The following CNTNAP2 variants were observed in gnomAD, a reference collection of about 807,000 sequenced individuals.
The protein encoded by CNTNAP2 is contactin associated protein 2, also known as contactin-associated protein-like 2.
A neutral mutation model predicts 155.2 loss-of-function variants in CNTNAP2; 98 were observed. The ratio of observed to expected loss-of-function variants is 0.63; its 90% CI spans 0.54 to 0.75. The LOEUF is 0.75. Among genes scored for constraint, CNTNAP2 ranks in the 30% least tolerant of loss-of-function variants. CNTNAP2 has a pLI of 0.00. For synonymous variants in CNTNAP2, 651 were observed against 631.2 expected (o/e 1.03, Z -0.47); for missense variants, 1,727 against 1,688.1 (o/e 1.02, Z -0.40).
At chr7:148,385,736 G>GTTT (rs398006728) in intron 22 of CNTNAP2, among the ~76,000 whole-genome samples, 6 of 95,344 alleles carry the variant, frequency 6.3e-5, no homozygotes, top group African/African-American at 1.6e-4. Context: ...AGTGTGACAG[G>GTTT]TTTTTTTTTT....
chr7:146,758,447 G>A (rs533640548), intron 1 of CNTNAP2, among the ~76,000 whole-genome samples: 6 of 152,042 alleles, frequency 3.9e-5, no homozygotes, highest in Admixed American at 1.3e-4. Context: ...TCTGTTTGCC[G>A]CTGTATTGGT....
chr7:147,329,415 A>G (rs1285462943), intron 9 of CNTNAP2, among the ~76,000 whole-genome samples: 1 of 152,110 alleles, frequency 6.6e-6, no homozygotes, highest in Non-Finnish European at 1.5e-5. Flanking sequence ...ATAATTTATA[A>G]GAATGATAAA....
intron 1 of CNTNAP2, among the ~76,000 whole-genome samples, chr7:146,633,919 G>A (rs978345993): frequency 6.7e-6 from 1 of 149,190 alleles, no homozygotes; most frequent in Non-Finnish European, 1.5e-5. Flanking sequence ...AAAAAGAGAC[G>A]ATAGACATTT....
At chr7:146,818,675 A>G (rs1803220489) in intron 2 of CNTNAP2, among the ~76,000 whole-genome samples, 1 of 152,172 alleles carries the variant, frequency 6.6e-6, no homozygotes, top group Admixed American at 6.5e-5. Context: ...AGGAAATTTG[A>G]TAAATGTAAC....
chr7:146,863,364 T>G (rs1351818151), intron 3 of CNTNAP2, among the ~76,000 whole-genome samples: 1 of 152,150 alleles, frequency 6.6e-6, no homozygotes, highest in East Asian at 1.9e-4. Context: ...ACCAAGAACT[T>G]TATTCAATTG....
At chr7:147,958,373 T>A (rs1801058681) in intron 14 of CNTNAP2, among the ~76,000 whole-genome samples, 1 of 152,134 alleles carries the variant, frequency 6.6e-6, no homozygotes, top group Non-Finnish European at 1.5e-5. Context: ...TATTTAAAGT[T>A]TGCGAGGGAA....
chr7:147,026,428 G>A (rs1486583030), intron 3 of CNTNAP2, among the ~76,000 whole-genome samples: 3 of 152,020 alleles, frequency 2.0e-5, no homozygotes, highest in Admixed American at 6.6e-5. Flanking sequence ...AAACATGAAT[G>A]ACATATGCTT....
chr7:146,938,439 GTGTA>G (rs1796972948), intron 3 of CNTNAP2, among the ~76,000 whole-genome samples: 1 of 149,910 alleles, frequency 6.7e-6, no homozygotes, highest in Non-Finnish European at 1.5e-5. Flanking sequence ...GTATACATGT[GTGTA>G]TACATATGTA....
intron 10 of CNTNAP2, among the ~76,000 whole-genome samples, chr7:147,398,206 G>A (rs1327493934): frequency 6.6e-6 from 1 of 151,992 alleles, no homozygotes; most frequent in Non-Finnish European, 1.5e-5. Flanking sequence ...ATAGAGCAGT[G>A]ATGTATCCAG....
intron 1 of CNTNAP2, among the ~76,000 whole-genome samples, chr7:146,533,237 G>A (rs1375921704): frequency 6.6e-6 from 1 of 151,618 alleles, no homozygotes; most frequent in African/African-American, 2.4e-5. Context: ...TTCATACCCA[G>A]GACTTTAAAG....
chr7:148,204,788 A>T (rs1795421635), intron 18 of CNTNAP2, among the ~76,000 whole-genome samples: 1 of 152,178 alleles, frequency 6.6e-6, no homozygotes, highest in African/African-American at 2.4e-5. Flanking sequence ...CGTCGCCTAG[A>T]CAGAGGGAGG....
chr7:146,732,859 C>T (rs985824880), intron 1 of CNTNAP2, among the ~76,000 whole-genome samples: 2 of 152,034 alleles, frequency 1.3e-5, no homozygotes, highest in African/African-American at 2.4e-5. Flanking sequence ...TTGATAGTTG[C>T]TATATTGTAT....
intron 13 of CNTNAP2, among the ~76,000 whole-genome samples, chr7:147,874,440 G>T (rs1336900308): frequency 6.6e-6 from 1 of 152,230 alleles, no homozygotes; most frequent in Non-Finnish European, 1.5e-5. Flanking sequence ...CTTGGGGTTT[G>T]TGCCCTCTGA....
intron 1 of CNTNAP2, among the ~76,000 whole-genome samples, chr7:146,263,727 C>T (rs921975062): frequency 2.0e-5 from 3 of 152,022 alleles, no homozygotes; most frequent in Non-Finnish European, 4.4e-5. Context: ...TTGGAAATCA[C>T]CTGTGAAATA....
chr7:146,425,868 T>G (rs1390995789), intron 1 of CNTNAP2, among the ~76,000 whole-genome samples: 1 of 151,930 alleles, frequency 6.6e-6, no homozygotes, highest in Non-Finnish European at 1.5e-5. Context: ...ACTAAATAAA[T>G]TTTAATTAAA....
chr7:147,482,553 C>G (rs199947008), intron 10 of CNTNAP2, among the ~76,000 whole-genome samples: 1 of 151,432 alleles, frequency 6.6e-6, no homozygotes, highest in Admixed American at 6.6e-5. Context: ...CCCGTCCCTA[C>G]AAAAAATACA....
chr7:148,077,799 T>C (rs546958242), intron 15 of CNTNAP2, among the ~76,000 whole-genome samples: 47 of 152,318 alleles, frequency 3.1e-4, no homozygotes, highest in African/African-American at 1.1e-3. Context: ...TTTCCTATTA[T>C]GTTACATACA....
At chr7:146,550,422 T>TTC (rs1798103583) in intron 1 of CNTNAP2, among the ~76,000 whole-genome samples, 1 of 141,928 alleles carries the variant, frequency 7.0e-6, no homozygotes, top group African/African-American at 2.6e-5. Context: ...TTTTTTTTTT[T>TTC]TTTTTTTATA....
At position 146,774,478 on chromosome 7, in the gene CNTNAP2, G is replaced by A. The variant is rs1339471274; in HGVS notation, c.208+97G>A. 86 of 862,972 alleles carry A rather than the reference G, an allele frequency of 1.0e-4. No homozygotes were observed. The East Asian group carries it at 2.3e-3, about 23-fold the overall frequency. The allele number at this position is 862,972 out of a possible 1,614,324, so 53.5% of individuals were successfully genotyped here. On this transcript the variant is annotated intron_variant, in intron 2 of 23. Transcript: ENST00000361727. ...ATATATAATCACACAACAGATGTTG[G>A]CAGACACCAGAAATCACTCCTGCCA...
Sources: allele counts gnomAD v4.1 joint callset (sites outside exome capture counted in the v4.1 genomes callset), GRCh38; gene constraint gnomAD v4.1.1; transcripts MANE v1.5; gene names NCBI Gene and HGNC (gene_info 2026-07-23, HGNC 2026-07-21).